The following SCGB2B2 variants were observed in gnomAD, a reference collection of about 807,000 sequenced individuals.
The protein encoded by SCGB2B2 is secretoglobin-like protein.
A neutral mutation model predicts 7.6 loss-of-function variants in SCGB2B2; 11 were observed. The observed-to-expected ratio is 1.45, with a 90% CI of 0.91 to 2.40. The LOEUF (loss-of-function observed/expected upper bound fraction) is 2.40, where lower values mean the gene tolerates loss of function less well. Among genes scored for constraint, SCGB2B2 ranks in the 30% most tolerant of loss-of-function variants. The pLI is 0.00. For missense variants in SCGB2B2, 104 were observed against 115.4 expected (o/e 0.90, Z 0.45); for synonymous variants, 50 against 48.6 (o/e 1.03, Z -0.12).
chr19:34,618,574 C>CTCTT (rs2066155159), intron 1 of SCGB2B2, among the ~76,000 whole-genome samples: 1 of 152,190 alleles, frequency 6.6e-6, no homozygotes, highest in African/African-American at 2.4e-5. Flanking sequence ...TCCCCCATTA[C>CTCTT]TCTTTTAGGT....
At chr19:34,615,129 A>AACAAGATGCACTCCAGTCATAGTTCT (rs2066035339) in intron 1 of SCGB2B2, among the ~76,000 whole-genome samples, 2 of 152,178 alleles carry the variant, frequency 1.3e-5, no homozygotes, top group African/African-American at 4.8e-5. Context: ...TAGCCCCCAG[A>AACAAGATGCACTCCAGTCATAGTTCT]ACAAGATGCA....
chr19:34,641,416 A>G (rs1314746267), intron 1 of SCGB2B2, among the ~76,000 whole-genome samples: 1 of 152,236 alleles, frequency 6.6e-6, no homozygotes, highest in African/African-American at 2.4e-5. Context: ...GGTGACAGAC[A>G]GTGTCAATGC....
At chr19:34,604,544 T>G (rs1260164667) in intron 1 of SCGB2B2, among the ~76,000 whole-genome samples, 1 of 152,236 alleles carries the variant, frequency 6.6e-6, no homozygotes, top group Non-Finnish European at 1.5e-5. Context: ...GATTGTCATT[T>G]TAATCTATTG....
intron 1 of SCGB2B2, among the ~76,000 whole-genome samples, chr19:34,614,401 C>T (rs971245277): frequency 6.6e-6 from 1 of 152,082 alleles, no homozygotes; most frequent in Non-Finnish European, 1.5e-5. Flanking sequence ...GCTATTGACA[C>T]TGTCCATTTT....
intron 1 of SCGB2B2, among the ~76,000 whole-genome samples, chr19:34,620,648 T>C (rs2066217127): frequency 6.6e-6 from 1 of 152,170 alleles, no homozygotes; most frequent in Non-Finnish European, 1.5e-5. Context: ...ACATGTACCC[T>C]AGAACTTAAA....
In SCGB2B2 at chr19:34,593,347, T is replaced by C. The variant is rs575385241; in HGVS notation, c.*208A>G. 23 of 519,654 alleles carry C rather than the reference T, an allele frequency of 4.4e-5. No individual in the cohort carries two copies. The highest frequency in any genetic ancestry group is 3.5e-4 in the African/African-American group (18 of 52,020). 32.2% of individuals were successfully genotyped at this position (519,654 alleles called of 1,614,324 possible). A position where few individuals can be genotyped will look rare whatever the true frequency, so the allele number is the denominator to read the frequency against. ...GCATGTCTATGCTACACCTGTAGAG[T>C]TTTTCCTCAGTCGCATATTTTCACA... On this transcript the variant is annotated 3_prime_UTR_variant, in exon 4 of 4. Coordinates refer to ENST00000601241, the MANE Select transcript of SCGB2B2 (RefSeq NM_001025591.4).
At chr19:34,615,109 C>A (rs1343885348) in intron 1 of SCGB2B2, among the ~76,000 whole-genome samples, 1 of 152,132 alleles carries the variant, frequency 6.6e-6, no homozygotes, top group Non-Finnish European at 1.5e-5. Context: ...TGAAGGGGAT[C>A]TGTGGCTATT....
intron 1 of SCGB2B2, among the ~76,000 whole-genome samples, chr19:34,632,532 G>A (rs1347472951): frequency 2.0e-5 from 3 of 152,212 alleles, no homozygotes; most frequent in Non-Finnish European, 4.4e-5. Flanking sequence ...GGGATACAAA[G>A]TAAAATCACA....
intron 1 of SCGB2B2, among the ~76,000 whole-genome samples, chr19:34,672,798 G>A (rs1045992810): frequency 1.3e-5 from 2 of 152,000 alleles, no homozygotes; most frequent in African/African-American, 4.8e-5. Flanking sequence ...CTTCATACAC[G>A]ACACCTTCTT....
intron 1 of SCGB2B2, among the ~76,000 whole-genome samples, chr19:34,611,026 G>GTTTCT (rs1480603685): frequency 1.3e-5 from 2 of 151,898 alleles, no homozygotes; most frequent in African/African-American, 4.8e-5. Context: ...CAGGAGTTCT[G>GTTTCT]TTTCTTTTGG....
At chr19:34,614,092 C>T (rs1374221644) in intron 1 of SCGB2B2, among the ~76,000 whole-genome samples, 2 of 148,358 alleles carry the variant, frequency 1.3e-5, no homozygotes, top group East Asian at 3.9e-4. Context: ...TAATGTGCCA[C>T]TGGGAGGAAC....
chr19:34,588,619 C>T (rs1227909287), downstream of SCGB2B2, among the ~76,000 whole-genome samples: 1 of 152,190 alleles, frequency 6.6e-6, no homozygotes, highest in African/African-American at 2.4e-5. Flanking sequence ...GGGCTTGCCA[C>T]CCCACAGGGG....
At chr19:34,672,130 ATAAT>A (rs2067817932) in intron 1 of SCGB2B2, among the ~76,000 whole-genome samples, 1 of 152,204 alleles carries the variant, frequency 6.6e-6, no homozygotes, top group African/African-American at 2.4e-5. Context: ...GTAAAAATAA[ATAAT>A]TAAATGAATA....
rs747673088 is a variant in SCGB2B2 at position 34,593,428 on chromosome 19, C to G, written c.*127G>C. 2 of 689,002 alleles carry G rather than the reference C, an allele frequency of 2.9e-6. No homozygotes were observed. The highest frequency in any genetic ancestry group is 5.0e-6 in the Non-Finnish European group (2 of 396,914). 42.7% of individuals were successfully genotyped at this position (689,002 alleles called of 1,614,324 possible). On this transcript the variant is annotated 3_prime_UTR_variant, in exon 4 of 4. Transcript: ENST00000601241. ...GTCACAGCCAACCCCACACAGATGC[C>G]AGAACACAGAACTGAGCTGCAGGTG...
intron 1 of SCGB2B2, among the ~76,000 whole-genome samples, chr19:34,647,166 T>C (rs1341797577): frequency 6.6e-6 from 1 of 152,154 alleles, no homozygotes; most frequent in Non-Finnish European, 1.5e-5. Context: ...CATGAAGCCA[T>C]GGGGGTCTCT....
At chr19:34,624,873 C>T (rs2066327389) in intron 1 of SCGB2B2, among the ~76,000 whole-genome samples, 1 of 152,168 alleles carries the variant, frequency 6.6e-6, no homozygotes, top group Non-Finnish European at 1.5e-5. Flanking sequence ...CTGGCAGCCA[C>T]TCTAGAAGCT....
At chr19:34,653,079 T>G (rs1568441055) in intron 1 of SCGB2B2, among the ~76,000 whole-genome samples, 1 of 151,394 alleles carries the variant, frequency 6.6e-6, no homozygotes, top group Non-Finnish European at 1.5e-5. Flanking sequence ...CTTGGAGTCA[T>G]TGTTTTAAGC....
At chr19:34,586,629 C>T (rs530668954), downstream of SCGB2B2, among the ~76,000 whole-genome samples, 7 of 152,280 alleles carry the variant, frequency 4.6e-5, no homozygotes, top group East Asian at 1.9e-4. Context: ...AAACTACATA[C>T]GGTGATACTC....
At chr19:34,609,978 G>A (rs564929688) in intron 1 of SCGB2B2, among the ~76,000 whole-genome samples, 25 of 152,152 alleles carry the variant, frequency 1.6e-4, no homozygotes, top group African/African-American at 6.0e-4. Context: ...CACTTTTGAT[G>A]TCTTCTTCAC....
Sources: allele counts gnomAD v4.1 joint callset (sites outside exome capture counted in the v4.1 genomes callset), GRCh38; gene constraint gnomAD v4.1.1; transcripts MANE v1.5; gene names NCBI Gene and HGNC (gene_info 2026-07-23, HGNC 2026-07-21).